The following NEXMIF variants were observed in gnomAD, a reference collection of about 807,000 sequenced individuals.
The protein encoded by NEXMIF is neurite extension and migration factor, also known as XLMR protein related to neurite extension.
Under a neutral mutation model 62.1 loss-of-function variants are expected in NEXMIF, and 8 were observed. The observed-to-expected ratio is 0.13, with a 90% CI of 0.08 to 0.23. The LOEUF is 0.23. Among genes scored for constraint, NEXMIF ranks in the 10% least tolerant of loss-of-function variants. The pLI is 1.00. For missense variants in NEXMIF, 976 were observed against 1,113.3 expected (o/e 0.88, Z 1.75); for synonymous variants, 404 against 416.6 (o/e 0.97, Z 0.37).
At chrX:74,924,632 G>A (rs1322136922) in intron 1 of NEXMIF, among the ~76,000 whole-genome samples, 1 of 113,533 alleles carries the variant, frequency 8.8e-6, no homozygotes, top group Non-Finnish European at 1.9e-5. Flanking sequence ...CCCTTCCTAC[G>A]GCGCAAGCAC....
chrX:74,757,835 C>G (rs1232689551), intron 1 of NEXMIF, among the ~76,000 whole-genome samples: 1 of 111,429 alleles, frequency 9.0e-6, no homozygotes, highest in Non-Finnish European at 1.9e-5. Context: ...GGGTTAGGAA[C>G]TTAATGGAGA....
chrX:74,857,633 A>G (rs1179821814), intron 1 of NEXMIF, among the ~76,000 whole-genome samples: 1 of 111,406 alleles, frequency 9.0e-6, no homozygotes, highest in Non-Finnish European at 1.9e-5. Flanking sequence ...AGAAAAACAG[A>G]GGGAAAAGTA....
intron 1 of NEXMIF, among the ~76,000 whole-genome samples, chrX:74,918,377 T>C (rs1422488670): frequency 8.9e-6 from 1 of 112,027 alleles, no homozygotes; most frequent in Non-Finnish European, 1.9e-5. Context: ...TGTGTTCCAG[T>C]TATTTAGTAA....
chrX:74,866,490 T>A (rs1427672265), intron 1 of NEXMIF, among the ~76,000 whole-genome samples: 2 of 112,023 alleles, frequency 1.8e-5, no homozygotes, highest in African/African-American at 6.5e-5. Flanking sequence ...TGGAATGAGT[T>A]AAGACTTTGG....
intron 1 of NEXMIF, among the ~76,000 whole-genome samples, chrX:74,867,381 A>T (rs1569358118): frequency 1.8e-5 from 2 of 112,059 alleles, no homozygotes; most frequent in Non-Finnish European, 3.8e-5. Context: ...CCAACTTCAA[A>T]CTATACTACA....
rs2147380427 is a variant in NEXMIF at position 74,925,416 on chromosome X, GGCGGCT to G, written c.-587_-582del. 3 of 193,622 alleles carry G rather than the reference GGCGGCT, an allele frequency of 1.5e-5. No individual in the cohort carries two copies. Among genetic ancestry groups the G allele is most frequent in the Non-Finnish European group, 3.0e-5 (3 of 99,540 alleles). 16.0% of individuals were successfully genotyped at this position (193,622 alleles called of 1,213,427 possible). ...CTGCTGTGGCGGCGGTGGTGGCGGC[GGCGGCT>G]GCTGCTGCTGCTGCTGATGCTACTG... On this transcript the variant is annotated 5_prime_UTR_variant, in exon 1 of 4. Transcript: ENST00000055682.
At chrX:74,900,531 T>A (rs747924845) in intron 1 of NEXMIF, among the ~76,000 whole-genome samples, 3 of 105,233 alleles carry the variant, frequency 2.9e-5, no homozygotes, top group East Asian at 5.9e-4. Context: ...TTGGTGAGGA[T>A]CTGAAAAAAT....
At position 74,825,679 on chromosome X, in the gene NEXMIF, C is replaced by T. The variant is rs149803833; in HGVS notation, c.-47-79982G>A. On this transcript the variant is annotated intron_variant, in intron 1 of 3. Coordinates refer to ENST00000055682, the MANE Select transcript of NEXMIF (RefSeq NM_001008537.3). ...AAGTGATTCTCCTGCTTCAGCTTCC[C>T]GAGTAGCTGGGATTACAGGCGCCCA... 6.4e-4 allele frequency among the ~76,000 whole-genome samples: 72 copies of T among 111,786 alleles called. 1 individual carries two copies. The East Asian group carries it at 0.019, about 29-fold the overall frequency.
intron 1 of NEXMIF, among the ~76,000 whole-genome samples, chrX:74,894,941 C>T (rs1008380324): frequency 1.8e-5 from 2 of 112,160 alleles, no homozygotes; most frequent in South Asian, 3.7e-4. Flanking sequence ...ACTGTCATCA[C>T]TGTTATTCAA....
chrX:74,746,547 T>A (rs1234484250), intron 1 of NEXMIF, among the ~76,000 whole-genome samples: 1 of 111,873 alleles, frequency 8.9e-6, no homozygotes, highest in East Asian at 2.8e-4. Context: ...CAACTGAGTA[T>A]CTATCCCTTT....
chrX:74,774,359 A>C (rs1386962774), intron 1 of NEXMIF, among the ~76,000 whole-genome samples: 1 of 111,937 alleles, frequency 8.9e-6, no homozygotes. Flanking sequence ...TGTAAAATAA[A>C]GATGAAGATC....
intron 1 of NEXMIF, among the ~76,000 whole-genome samples, chrX:74,796,275 C>CATATATAAT (rs2080311376): frequency 2.4e-5 from 1 of 42,073 alleles, no homozygotes; most frequent in African/African-American, 9.1e-5. Flanking sequence ...TATATATATA[C>CATATATAAT]ATATATATTA....
intron 1 of NEXMIF, among the ~76,000 whole-genome samples, chrX:74,911,584 A>T (rs1296692293): frequency 8.9e-6 from 1 of 111,823 alleles, no homozygotes; most frequent in Non-Finnish European, 1.9e-5. Flanking sequence ...GGGTTTTAAA[A>T]CCAACACCTT....
rs758677464 is a variant in NEXMIF, at chrX:74,740,880, C to T, written c.3677G>A (p.Gly1226Glu). The T allele has an allele frequency of 8.3e-7, 1 of 1,211,933 alleles. No individual in the cohort carries two copies. Among genetic ancestry groups the T allele is most frequent in the Admixed American group, 2.2e-5 (1 of 46,079 alleles). Residue 1226 changes from glycine to glutamate, a missense_variant, in exon 3 of 4, where the codon GGG becomes GAG. Gly to Glu is a moderately conservative substitution (Grantham distance 98). Coordinates refer to ENST00000055682, the MANE Select transcript of NEXMIF (RefSeq NM_001008537.3). Reference protein sequence around the residue: ...SRQVPKSTKKGKYMAAINGEK... With the variant: ...SRQVPKSTKKEKYMAAINGEK... Reference sequence around the variant, plus strand: ...TCCATTGATGGCAGCCATGTATTTCCCTTTCTTTGTGGACTTAGGGACCTG... The same window carrying T: ...TCCATTGATGGCAGCCATGTATTTCTCTTTCTTTGTGGACTTAGGGACCTG...
At position 74,885,899 on chromosome X, in the gene NEXMIF, A is replaced by T. The variant is rs144046076; in HGVS notation, c.-48+38984T>A. 4.4e-3 allele frequency among the ~76,000 whole-genome samples: 497 copies of T among 112,233 alleles called. 2 individuals carry two copies. Among genetic ancestry groups the T allele is most frequent in the African/African-American group, 0.016 (479 of 30,892 alleles). On this transcript the variant is annotated intron_variant, in intron 1 of 3. Coordinates refer to ENST00000055682, the MANE Select transcript of NEXMIF (RefSeq NM_001008537.3). The stretch of plus-strand genomic sequence containing the variant: ...ATGAACATTGATGCAAAAATCCTCA[A>T]TGAAATACTGGAAAACCAAATCCAG...
chrX:74,823,955 G>A (rs987117750), intron 1 of NEXMIF, among the ~76,000 whole-genome samples: 1 of 111,434 alleles, frequency 9.0e-6, no homozygotes, highest in Non-Finnish European at 1.9e-5. Flanking sequence ...TATACATTTA[G>A]AGTTGTATTT....
At position 74,740,036 on chromosome X, in the gene NEXMIF, C is replaced by T. The variant is rs942451857; in HGVS notation, c.4457+64G>A. The T allele has an allele frequency of 1.6e-5, 16 of 1,030,018 alleles. No homozygotes were observed. The African/African-American group carries it at 1.7e-4, about 11-fold the overall frequency. The allele number at this position is 1,030,018 out of a possible 1,213,427, so 84.9% of individuals were successfully genotyped here. On this transcript the variant is annotated intron_variant, in intron 3 of 3. Transcript: ENST00000055682. ...TCAAGAGGGAAAAAATGAGGGACTGCGGGCTTAGTAGGTAGTAGGAGAGCT... is the reference window on the plus strand; with the variant it reads ...TCAAGAGGGAAAAAATGAGGGACTGTGGGCTTAGTAGGTAGTAGGAGAGCT...
At chrX:74,882,196 C>G (rs1431126568) in intron 1 of NEXMIF, among the ~76,000 whole-genome samples, 1 of 111,928 alleles carries the variant, frequency 8.9e-6, no homozygotes, top group African/African-American at 3.2e-5. Context: ...AGGAACAGCT[C>G]CGGTCTACAG....
intron 1 of NEXMIF, among the ~76,000 whole-genome samples, chrX:74,802,579 T>C (rs896755011): frequency 3.6e-5 from 4 of 110,536 alleles, no homozygotes; most frequent in Admixed American, 9.7e-5. Flanking sequence ...TCGAAAGCCT[T>C]TCCAAGAAGG....
Sources: allele counts gnomAD v4.1 joint callset (sites outside exome capture counted in the v4.1 genomes callset), GRCh38; gene constraint gnomAD v4.1.1; transcripts MANE v1.5; gene names NCBI Gene and HGNC (gene_info 2026-07-23, HGNC 2026-07-21).